DTNB: variants seen among roughly 807,000 people sequenced by gnomAD.
DTNB encodes the protein DTN-B.
Under a neutral mutation model 90.7 loss-of-function variants are expected in DTNB, and 63 were observed. The observed-to-expected ratio is 0.69, with a 90% CI of 0.57 to 0.86. DTNB has a LOEUF of 0.86. Among genes scored for constraint, DTNB ranks in the 40% least tolerant of loss-of-function variants. The pLI is 0.00. For missense variants in DTNB, 744 were observed against 807.1 expected (o/e 0.92, Z 0.95); for synonymous variants, 277 against 286.7 (o/e 0.97, Z 0.34).
chr2:25,505,000 G>A (rs1404859305), intron 9 of DTNB, among the ~76,000 whole-genome samples: 1 of 152,148 alleles, frequency 6.6e-6, no homozygotes, highest in Non-Finnish European at 1.5e-5. Flanking sequence ...CAGGTCCAAA[G>A]GTTCAGAGAT....
At chr2:25,650,151 C>A in intron 2 of DTNB, 1 of 985,436 alleles carries the variant, frequency 1.0e-6, no homozygotes, top group Non-Finnish European at 1.2e-6. Flanking sequence ...CAGATCTCTA[C>A]CCCATCAACG....
At chr2:25,587,007 G>A (rs548792347) in intron 6 of DTNB, among the ~76,000 whole-genome samples, 5 of 152,292 alleles carry the variant, frequency 3.3e-5, no homozygotes, top group Non-Finnish European at 4.4e-5. Context: ...CACTGAGGGG[G>A]ATGTAAACAG....
At chr2:25,561,142 T>C (rs929390566) in intron 8 of DTNB, among the ~76,000 whole-genome samples, 4 of 152,218 alleles carry the variant, frequency 2.6e-5, no homozygotes, top group Admixed American at 1.3e-4. Context: ...TATACTACAT[T>C]GAGCCTACCA....
chr2:25,388,579 T>A (rs1378654302), intron 16 of DTNB: 1 of 557,798 alleles, frequency 1.8e-6, no homozygotes, highest in East Asian at 3.4e-5. Context: ...AGAGAGAACA[T>A]CCTAAGAACA....
chr2:25,576,267 C>T lies in DTNB; in HGVS notation c.876+571G>A, dbSNP rs1188523461. Among the ~76,000 whole-genome samples, 507 of 147,440 alleles carry T rather than the reference C, an allele frequency of 3.4e-3. 2 individuals are homozygous for T. Among genetic ancestry groups the T allele is most frequent in the Non-Finnish European group, 5.0e-3 (335 of 67,194 alleles). ...TTGAGACAGAGTCTTACTCTGTTGC[C>T]CAGGCTGGAGTGCAGTGGCGCAATC... On this transcript the variant is annotated intron_variant, in intron 8 of 20. Coordinates refer to ENST00000406818, the MANE Select transcript of DTNB (RefSeq NM_021907.5).
intron 16 of DTNB, among the ~76,000 whole-genome samples, chr2:25,413,354 G>A (rs961620930): frequency 4.0e-5 from 6 of 151,568 alleles, no homozygotes; most frequent in African/African-American, 1.5e-4. Flanking sequence ...CCATGTTGGT[G>A]TGCTGCACCC....
chr2:25,440,494 A>G (rs2150039553), intron 12 of DTNB, among the ~76,000 whole-genome samples: 1 of 152,350 alleles, frequency 6.6e-6, no homozygotes, highest in Non-Finnish European at 1.5e-5. Context: ...GGACTGAAAA[A>G]GGAAGCTGAA....
At chr2:25,504,374 GGAAA>G (rs150470175) in intron 9 of DTNB, among the ~76,000 whole-genome samples, 2,264 of 137,020 alleles carry the variant, frequency 0.017, 51 homozygotes, top group African/African-American at 0.058. Context: ...AGGGAGAGAA[GGAAA>G]GAAAGAAGGA....
chr2:25,660,391 A>G (rs1008521700), intron 1 of DTNB, among the ~76,000 whole-genome samples: 1 of 152,222 alleles, frequency 6.6e-6, no homozygotes, highest in African/African-American at 2.4e-5. Context: ...CCATAGCAAC[A>G]GAAAATTAAT....
intron 15 of DTNB, among the ~76,000 whole-genome samples, chr2:25,420,262 CTTTTTTTTTTT>C (rs56815083): frequency 1.6e-4 from 10 of 63,910 alleles, no homozygotes; most frequent in Admixed American, 7.5e-4. Context: ...CAGGCACAGT[CTTTTTTTTTTT>C]TTTTTTTTTT....
At chr2:25,576,297 C>T (rs1411988830) in intron 8 of DTNB, among the ~76,000 whole-genome samples, 1 of 146,002 alleles carries the variant, frequency 6.8e-6, no homozygotes, top group Non-Finnish European at 1.5e-5. Flanking sequence ...GCAATCTCGG[C>T]TCACTGCAAG....
At chr2:25,487,352 T>C (rs1276656857) in intron 9 of DTNB, among the ~76,000 whole-genome samples, 1 of 152,226 alleles carries the variant, frequency 6.6e-6, no homozygotes, top group East Asian at 1.9e-4. Context: ...AGTAATACAC[T>C]GAATCCTTGC....
At chr2:25,598,990 G>A (rs914215445) in intron 5 of DTNB, 1 of 151,910 alleles carries the variant, frequency 6.6e-6, no homozygotes, top group Non-Finnish European at 1.5e-5. Context: ...TAGAAAGCTA[G>A]GTTTCAAGGC....
intron 1 of DTNB, among the ~76,000 whole-genome samples, chr2:25,662,961 G>T (rs955823355): frequency 2.0e-5 from 3 of 151,958 alleles, no homozygotes; most frequent in African/African-American, 7.3e-5. Flanking sequence ...TTGTTACATG[G>T]GTATACATGT....
In DTNB at chr2:25,554,105, C is replaced by T. The variant is rs145531674; in HGVS notation, c.877-22508G>A. Among the ~76,000 whole-genome samples, 311 of 152,212 alleles carry T rather than the reference C, an allele frequency of 2.0e-3. 2 individuals are homozygous for T. Among genetic ancestry groups the T allele is most frequent in the Non-Finnish European group, 3.6e-3 (246 of 68,018 alleles). On this transcript the variant is annotated intron_variant, in intron 8 of 20. Transcript: ENST00000406818. The stretch of plus-strand genomic sequence containing the variant: ...ATACGAATAACTGCTACATGAAATG[C>T]TAATACTTTTAAAACTGAAAAAGCT...
intron 4 of DTNB, among the ~76,000 whole-genome samples, chr2:25,615,829 A>C (rs1217667177): frequency 6.6e-6 from 1 of 152,226 alleles, no homozygotes; most frequent in Non-Finnish European, 1.5e-5. Flanking sequence ...GTATTTTTAG[A>C]GTTCTAAACC....
chr2:25,571,360 A>G (rs2059837752), intron 8 of DTNB, among the ~76,000 whole-genome samples: 1 of 152,098 alleles, frequency 6.6e-6, no homozygotes, highest in African/African-American at 2.4e-5. Flanking sequence ...TTATTCTTCT[A>G]TTCAAAACCC....
intron 18 of DTNB, among the ~76,000 whole-genome samples, chr2:25,386,584 T>C (rs554847465): frequency 5.9e-4 from 90 of 152,282 alleles, no homozygotes; most frequent in Middle Eastern, 3.4e-3. Context: ...GGTAGAGTCA[T>C]GGGGATTCCT....
chr2:25,561,249 C>A (rs147213239), intron 8 of DTNB, among the ~76,000 whole-genome samples: 1 of 152,154 alleles, frequency 6.6e-6, no homozygotes, highest in East Asian at 1.9e-4. Context: ...CTCAACACCC[C>A]CCTCCTTGCC....
Sources: gnomAD v4.1 joint callset for allele counts (sites outside exome capture counted in the v4.1 genomes callset) on GRCh38, gnomAD v4.1.1 for gene constraint, MANE v1.5 for transcripts, NCBI Gene and HGNC (gene_info 2026-07-23, HGNC 2026-07-21) for gene names.